PPP4R4: variants seen among roughly 807,000 people sequenced by gnomAD.
PPP4R4 encodes the protein serine/threonine-protein phosphatase 4 regulatory subunit 4.
Under a neutral mutation model 121.8 loss-of-function variants are expected in PPP4R4, and 70 were observed. The observed-to-expected ratio is 0.57, with a 90% CI of 0.47 to 0.70. The LOEUF (loss-of-function observed/expected upper bound fraction) is 0.70. Among genes scored for constraint, PPP4R4 ranks in the 30% least tolerant of loss-of-function variants. PPP4R4 has a pLI of 0.00. For missense variants in PPP4R4, 875 were observed against 1,033.6 expected (o/e 0.85, Z 2.10); for synonymous variants, 348 against 355.7 (o/e 0.98, Z 0.24).
At chr14:94,225,587 T>A (rs1891651962) in intron 3 of PPP4R4, among the ~76,000 whole-genome samples, 1 of 152,162 alleles carries the variant, frequency 6.6e-6, no homozygotes, top group African/African-American at 2.4e-5. Flanking sequence ...TTGTTAGTCC[T>A]GCTCATTGCT....
Position 94,208,949 on chromosome 14 carries a change from T to C in PPP4R4, c.294+383T>C, listed in dbSNP as rs553734639. On this transcript the variant is annotated intron_variant, in intron 3 of 24. Coordinates refer to ENST00000304338, the MANE Select transcript of PPP4R4 (RefSeq NM_058237.2). ...ATAATTGAGCTGATATTCCTAATAA[T>C]TGACCCTATGATGACTTCTGAAGAA... 3.3e-5 allele frequency among the ~76,000 whole-genome samples: 5 copies of C among 152,018 alleles called. No individual in the cohort carries two copies. In the East Asian group the frequency reaches 9.6e-4, roughly 29 times the overall value.
intron 3 of PPP4R4, among the ~76,000 whole-genome samples, chr14:94,222,526 AC>A (rs1891463994): frequency 6.7e-6 from 1 of 149,638 alleles, no homozygotes; most frequent in Non-Finnish European, 1.5e-5. Context: ...ATTTAGATTT[AC>A]CCACATAGCT....
At chr14:94,231,403 AAAG>A in intron 5 of PPP4R4, 88 bp downstream of exon 5, 2 of 1,163,670 alleles carry the variant, frequency 1.7e-6, no homozygotes, top group Non-Finnish European at 1.2e-6. Flanking sequence ...GGTTTTTAAA[AAAG>A]AAAGTTGTTT....
At chr14:94,203,866 A>G (rs1890321607) in intron 2 of PPP4R4, among the ~76,000 whole-genome samples, 1 of 151,940 alleles carries the variant, frequency 6.6e-6, no homozygotes, top group African/African-American at 2.4e-5. Context: ...CATGTCTTTT[A>G]CCCATTTTTG....
chr14:94,266,889 C>T, intron 22 of PPP4R4, 70 bp from the exon 23 acceptor site: 3 of 990,962 alleles, frequency 3.0e-6, no homozygotes, highest in Non-Finnish European at 4.7e-6. Context: ...TAAAACAGCA[C>T]AAGTGTTAGA....
chr14:94,174,608 C>T (rs760701720), intron 1 of PPP4R4, 26 bp downstream of exon 1: 1 of 1,606,138 alleles, frequency 6.2e-7, no homozygotes, highest in East Asian at 2.2e-5. Context: ...AGGACCTGCC[C>T]TCACGGCGTC....
At chr14:94,214,021 T>C (rs1165366493) in intron 3 of PPP4R4, among the ~76,000 whole-genome samples, 1 of 152,206 alleles carries the variant, frequency 6.6e-6, no homozygotes, top group African/African-American at 2.4e-5. Context: ...CTTTCTTTCA[T>C]AAGGGCAGAA....
intron 2 of PPP4R4, among the ~76,000 whole-genome samples, chr14:94,199,661 A>G (rs1426196355): frequency 6.6e-6 from 1 of 152,110 alleles, no homozygotes; most frequent in Non-Finnish European, 1.5e-5. Flanking sequence ...GACAGAGTGG[A>G]AAGGTAGTTT....
chr14:94,260,403 G>A (rs939429659), intron 19 of PPP4R4, among the ~76,000 whole-genome samples: 3 of 152,098 alleles, frequency 2.0e-5, no homozygotes, highest in African/African-American at 7.2e-5. Flanking sequence ...ACCAGCCTGG[G>A]TGACAGAGTG....
chr14:94,229,823 T>C (rs1956166), intron 3 of PPP4R4, among the ~76,000 whole-genome samples: 35,429 of 152,006 alleles, frequency 0.23, 4,939 homozygotes, highest in East Asian at 0.59. Flanking sequence ...GCCTTTACAT[T>C]ACACACACAA....
intron 2 of PPP4R4, among the ~76,000 whole-genome samples, chr14:94,190,048 CTTT>C (rs34015633): frequency 1.8e-4 from 26 of 143,332 alleles, no homozygotes; most frequent in Non-Finnish European, 2.4e-4. Flanking sequence ...TTGCTTTTAT[CTTT>C]TTTTTTTTTT....
At chr14:94,190,262 A>T (rs1889521790) in intron 2 of PPP4R4, among the ~76,000 whole-genome samples, 1 of 152,014 alleles carries the variant, frequency 6.6e-6, no homozygotes, top group Non-Finnish European at 1.5e-5. Context: ...GCAGTATGTT[A>T]TCTTAGCTAG....
At chr14:94,180,220 A>G (rs1186057927) in intron 2 of PPP4R4, among the ~76,000 whole-genome samples, 1 of 152,230 alleles carries the variant, frequency 6.6e-6, no homozygotes, top group African/African-American at 2.4e-5. Context: ...AAAAGAGGAT[A>G]ATGGTATTAA....
At chr14:94,264,836 C>T in intron 19 of PPP4R4, 42 bp from the exon 20 acceptor site, 1 of 1,425,244 alleles carries the variant, frequency 7.0e-7, no homozygotes, top group Non-Finnish European at 9.7e-7. Context: ...TCTAGACCTA[C>T]TTCAGTTGTA....
intron 3 of PPP4R4, among the ~76,000 whole-genome samples, chr14:94,222,907 G>A (rs1273565421): frequency 6.6e-6 from 1 of 151,852 alleles, no homozygotes; most frequent in Admixed American, 6.6e-5. Context: ...GTATTTCCAT[G>A]TCCTTTATCT....
At chr14:94,210,806 A>G (rs1890704030) in intron 3 of PPP4R4, among the ~76,000 whole-genome samples, 1 of 152,212 alleles carries the variant, frequency 6.6e-6, no homozygotes. Flanking sequence ...AATGACTTTT[A>G]TCGATAGTCT....
At chr14:94,215,309 C>T (rs1018407938) in intron 3 of PPP4R4, among the ~76,000 whole-genome samples, 1 of 152,130 alleles carries the variant, frequency 6.6e-6, no homozygotes, top group African/African-American at 2.4e-5. Flanking sequence ...TTTATTCTTA[C>T]AGTTCACCAA....
intron 22 of PPP4R4, among the ~76,000 whole-genome samples, chr14:94,266,432 C>G (rs978597307): frequency 1.3e-5 from 2 of 152,056 alleles, no homozygotes; most frequent in Admixed American, 1.3e-4. Flanking sequence ...TTTATATGTG[C>G]TATACAAACT....
At chr14:94,185,855 G>A (rs953790082) in intron 2 of PPP4R4, among the ~76,000 whole-genome samples, 3 of 152,140 alleles carry the variant, frequency 2.0e-5, no homozygotes, top group Admixed American at 1.3e-4. Flanking sequence ...ATAGTTTGAT[G>A]AGTTTTGACA....
Sources: allele counts gnomAD v4.1 joint callset (sites outside exome capture counted in the v4.1 genomes callset), GRCh38; gene constraint gnomAD v4.1.1; transcripts MANE v1.5; gene names NCBI Gene and HGNC (gene_info 2026-07-23, HGNC 2026-07-21).